The following SCGB2B2 variants were observed in gnomAD, a reference collection of about 807,000 sequenced individuals.
SCGB2B2 encodes secretoglobin-like protein.
Under a neutral mutation model 7.6 loss-of-function variants are expected in SCGB2B2, and 11 were observed. The ratio of observed to expected loss-of-function variants is 1.45; its 90% CI spans 0.91 to 2.40. The LOEUF is 2.40. Among genes scored for constraint, SCGB2B2 ranks in the 30% most tolerant of loss-of-function variants. The pLI is 0.00. For missense variants in SCGB2B2, 104 were observed against 115.4 expected (o/e 0.90, Z 0.45); for synonymous variants, 50 against 48.6 (o/e 1.03, Z -0.12).
In SCGB2B2 at chr19:34,603,603, T is replaced by A. The variant is rs114051088; in HGVS notation, c.-2031-7009A>T. 6.7e-3 allele frequency among the ~76,000 whole-genome samples: 1,024 copies of A among 152,196 alleles called. 17 individuals are homozygous for A. The highest frequency in any genetic ancestry group is 0.024 in the African/African-American group (994 of 41,516). The stretch of plus-strand genomic sequence containing the variant: ...CAGTGCTGGAGGAAAATGAGAGCAA[T>A]GTCATTGTTCCAGGATTAATTATAG... On this transcript the variant is annotated intron_variant, in intron 1 of 3. Coordinates refer to ENST00000601241, the MANE Select transcript of SCGB2B2 (RefSeq NM_001025591.4).
In SCGB2B2 at chr19:34,660,960, G is replaced by T. The variant is rs7250853; in HGVS notation, c.-2032+14670C>A. 3.9e-3 allele frequency among the ~76,000 whole-genome samples: 593 copies of T among 152,238 alleles called. 5 individuals carry two copies. Among genetic ancestry groups the T allele is most frequent in the African/African-American group, 0.014 (562 of 41,496 alleles). On this transcript the variant is annotated intron_variant, in intron 1 of 3. Coordinates refer to ENST00000601241, the MANE Select transcript of SCGB2B2 (RefSeq NM_001025591.4). ...TATGCAGCCATAAGAATGGATGAGT[G>T]CATGTCCTTTGCAGGGACATGGATG... is the stretch of plus-strand genomic sequence containing the variant.
intron 1 of SCGB2B2, among the ~76,000 whole-genome samples, chr19:34,638,526 T>C (rs1486530163): frequency 6.6e-6 from 1 of 151,268 alleles, no homozygotes; most frequent in Non-Finnish European, 1.5e-5. Context: ...AAAACAAAAC[T>C]GAAATCGGCA....
At chr19:34,659,226 G>A (rs1484109177) in intron 1 of SCGB2B2, among the ~76,000 whole-genome samples, 1 of 152,170 alleles carries the variant, frequency 6.6e-6, no homozygotes, top group African/African-American at 2.4e-5. Flanking sequence ...TTGAAAACCA[G>A]CACAAGAGAA....
intron 1 of SCGB2B2, among the ~76,000 whole-genome samples, chr19:34,600,846 T>C (rs2065601678): frequency 6.6e-6 from 1 of 152,192 alleles, no homozygotes; most frequent in South Asian, 2.1e-4. Context: ...TATGTTTTAA[T>C]GATTTTAATA....
rs115887054 is a variant in SCGB2B2 at position 34,663,097 on chromosome 19, A to G, written c.-2032+12533T>C. On this transcript the variant is annotated intron_variant, in intron 1 of 3. Coordinates refer to ENST00000601241, the MANE Select transcript of SCGB2B2 (RefSeq NM_001025591.4). The stretch of plus-strand genomic sequence containing the variant: ...CCAATGAGATGCCGACGCCCCTGAC[A>G]CCTGCCTACCAGATGGTTCACACGA... Among the ~76,000 whole-genome samples, 829 of 152,386 alleles carry G rather than the reference A, an allele frequency of 5.4e-3. 15 individuals are homozygous for G. The highest frequency in any genetic ancestry group is 0.019 in the African/African-American group (800 of 41,592).
intron 1 of SCGB2B2, among the ~76,000 whole-genome samples, chr19:34,651,197 G>A (rs1449831861): frequency 6.6e-6 from 1 of 151,356 alleles, no homozygotes; most frequent in Non-Finnish European, 1.5e-5. Flanking sequence ...AACAAGGCAA[G>A]AATGTCCACT....
chr19:34,627,037 C>A (rs961510768), intron 1 of SCGB2B2, among the ~76,000 whole-genome samples: 7 of 152,254 alleles, frequency 4.6e-5, no homozygotes, highest in Middle Eastern at 3.4e-3. Flanking sequence ...GAAATAAAAT[C>A]CTTTACAGAC....
intron 1 of SCGB2B2, among the ~76,000 whole-genome samples, chr19:34,672,456 A>C (rs902866436): frequency 1.3e-5 from 2 of 152,196 alleles, no homozygotes; most frequent in Non-Finnish European, 2.9e-5. Context: ...ACAGGCATTT[A>C]ATCTACAAAT....
In SCGB2B2 at chr19:34,590,962, T is replaced by A. The variant is rs2065284022; in HGVS notation, c.*2593A>T. Among the ~76,000 whole-genome samples the A allele has an allele frequency of 6.6e-6, 1 of 152,248 alleles. No homozygotes were observed. The highest frequency in any genetic ancestry group is 2.4e-5 in the African/African-American group (1 of 41,462). ...TCTAATTCTTTTCATTTACTTCTGG[T>A]TGAAACTCTCCATCTTTGATTGCTA... On this transcript the variant is annotated 3_prime_UTR_variant, in exon 4 of 4. Coordinates refer to ENST00000601241, the MANE Select transcript of SCGB2B2 (RefSeq NM_001025591.4).
intron 1 of SCGB2B2, among the ~76,000 whole-genome samples, chr19:34,655,484 C>T (rs2067258579): frequency 2.0e-5 from 3 of 151,068 alleles, no homozygotes; most frequent in Admixed American, 1.3e-4. Flanking sequence ...CCCCCCCAAC[C>T]CCACTTCAAG....
chr19:34,613,766 G>C (rs1182832012), intron 1 of SCGB2B2, among the ~76,000 whole-genome samples: 1 of 151,924 alleles, frequency 6.6e-6, no homozygotes, highest in African/African-American at 2.4e-5. Context: ...TTATCTTTTT[G>C]CCTCCAGATG....
intron 1 of SCGB2B2, among the ~76,000 whole-genome samples, chr19:34,603,545 A>C (rs1026268205): frequency 6.6e-6 from 1 of 152,178 alleles, no homozygotes; most frequent in Admixed American, 6.5e-5. Context: ...GAAATGCAGC[A>C]TTTCTCATTG....
intron 1 of SCGB2B2, among the ~76,000 whole-genome samples, chr19:34,611,995 T>C (rs2065939833): frequency 6.8e-6 from 1 of 147,664 alleles, no homozygotes; most frequent in Admixed American, 6.8e-5. Flanking sequence ...ATTGTTGAAT[T>C]TTCATATATT....
chr19:34,647,477 T>G (rs1314702831), intron 1 of SCGB2B2, among the ~76,000 whole-genome samples: 1 of 152,102 alleles, frequency 6.6e-6, no homozygotes, highest in East Asian at 1.9e-4. Flanking sequence ...AAATATCCTT[T>G]CTCCTCTCCA....
At chr19:34,636,795 C>T (rs2066692410) in intron 1 of SCGB2B2, among the ~76,000 whole-genome samples, 1 of 152,224 alleles carries the variant, frequency 6.6e-6, no homozygotes, top group Non-Finnish European at 1.5e-5. Flanking sequence ...AGAACTCAGC[C>T]CTGACGTTAA....
chr19:34,588,511 G>A (rs1030823532), downstream of SCGB2B2, among the ~76,000 whole-genome samples: 2 of 152,194 alleles, frequency 1.3e-5, no homozygotes, highest in Non-Finnish European at 2.9e-5. Flanking sequence ...TATTGACTCG[G>A]CTTGAAGATC....
chr19:34,645,736 G>T, intron 1 of SCGB2B2: 1 of 387,900 alleles, frequency 2.6e-6, no homozygotes, highest in Admixed American at 2.8e-5. Context: ...AGAAAGAAGC[G>T]GGCAGGGCTG....
At chr19:34,615,094 T>C (rs1309756524) in intron 1 of SCGB2B2, among the ~76,000 whole-genome samples, 4 of 152,160 alleles carry the variant, frequency 2.6e-5, no homozygotes, top group Admixed American at 2.6e-4. Flanking sequence ...GCTTAACCTC[T>C]GGCATGAAGG....
chr19:34,599,441 C>T (rs1242961295), intron 1 of SCGB2B2, among the ~76,000 whole-genome samples: 1 of 152,220 alleles, frequency 6.6e-6, no homozygotes, highest in East Asian at 1.9e-4. Context: ...GCTGGGGAGG[C>T]CTCACAATCA....
Sources: allele counts gnomAD v4.1 joint callset (sites outside exome capture counted in the v4.1 genomes callset), GRCh38; gene constraint gnomAD v4.1.1; transcripts MANE v1.5; gene names NCBI Gene and HGNC (gene_info 2026-07-23, HGNC 2026-07-21).